The following SELENBP1 variants were observed in gnomAD, a reference collection of about 807,000 sequenced individuals.
The protein encoded by SELENBP1 is methanethiol oxidase.
A neutral mutation model predicts 61.0 loss-of-function variants in SELENBP1; 71 were observed. The observed-to-expected ratio is 1.16, with a 90% CI of 0.96 to 1.42. The LOEUF is 1.42. Ranked by LOEUF, SELENBP1 falls within the 40% of genes most tolerant of loss-of-function variation. SELENBP1 has a pLI of 0.00. For missense variants in SELENBP1, 561 were observed against 605.0 expected, an observed-to-expected ratio of 0.93 and a Z score of 0.76; for synonymous variants, 270 against 238.9, an observed-to-expected ratio of 1.13 and a Z score of -1.20.
chr1:151,365,815 T>C lies in SELENBP1; in HGVS notation c.875A>G (p.Gln292Arg), dbSNP rs770344166. Residue 292 changes from glutamine to arginine, a missense_variant, in exon 8 of 12, where the codon CAG becomes CGG. Transcript: ENST00000368868. ...GCCCTTCACTTTCTTGGGGGGCACC[T>C]GGATCACCTTCTCCACTGACCATGT... ...GGTWSVEKVIQVPPKKVKGWL... is the reference protein window; with the variant it reads ...GGTWSVEKVIRVPPKKVKGWL... 4 of 1,614,190 alleles carry C rather than the reference T, an allele frequency of 2.5e-6. No individual in the cohort carries two copies. The highest frequency in any genetic ancestry group is 1.3e-5 in the African/African-American group (1 of 75,058).
At chr1:151,370,765 C>T (rs1019661470) in intron 1 of SELENBP1, among the ~76,000 whole-genome samples, 6 of 152,228 alleles carry the variant, frequency 3.9e-5, no homozygotes, top group African/African-American at 1.4e-4. Context: ...AGTCCACAGG[C>T]CTGGGCCCTG....
Position 151,365,603 on chromosome 1 carries a change from T to C in SELENBP1, c.1004A>G (p.Tyr335Cys). Residue 335 changes from tyrosine (Y) to cysteine (C), a missense_variant, in exon 9 of 12, where the codon TAT (tyrosine) becomes TGT (cysteine). Coordinates refer to ENST00000368868, the MANE Select transcript of SELENBP1 (RefSeq NM_003944.4). ...SNWLHGDLRQ[Y>C]DISDPQRPRL... ...GGGTCTCTGTGGGTCAGAGATGTCATACTGCCTCAGGTCCCCATGCAGCCA... is the reference window on the plus strand; with the variant it reads ...GGGTCTCTGTGGGTCAGAGATGTCACACTGCCTCAGGTCCCCATGCAGCCA... 1.9e-6 allele frequency: 3 copies of C among 1,614,176 alleles called. No individual in the cohort carries two copies. Among genetic ancestry groups the C allele is most frequent in the Non-Finnish European group, 2.5e-6 (3 of 1,180,024 alleles).
intron 5 of SELENBP1, among the ~76,000 whole-genome samples, chr1:151,367,506 C>T (rs1232827328): frequency 1.3e-5 from 2 of 152,062 alleles, no homozygotes; most frequent in African/African-American, 4.8e-5. Flanking sequence ...ATCTCTCTCT[C>T]AGACCACAGC....
rs770140541 is a variant in SELENBP1 at position 151,365,200 on chromosome 1, G to C, written c.1126C>G (p.Leu376Val). ...GGAGAGGCTCTTACCTTGACCACTA[G>C]GGGCTCTGGCTGGGACTTTAGTTCC... is the stretch of plus-strand genomic sequence containing the variant. ...DEELKSQPEP[L>V]VVKGKRVAGG... The change falls in exon 10 of 12, where the codon CTA (leucine) becomes GTA (valine). Residue 376 changes from leucine (L) to valine (V), a missense_variant. Leu to Val is a conservative substitution (Grantham distance 32, BLOSUM62 1). Transcript: ENST00000368868. The C allele has an allele frequency of 6.2e-7, 1 of 1,613,860 alleles. No individual in the cohort carries two copies. Among genetic ancestry groups the C allele is most frequent in the South Asian group, 1.1e-5 (1 of 91,006 alleles).
In SELENBP1 at chr1:151,369,442, C is replaced by T; in HGVS notation, c.174G>A (p.Gln58=). Residue 58 remains glutamine (Q), a splice_region_variant and synonymous_variant, in exon 3 of 12, where the codon CAG becomes CAA. Transcript: ENST00000368868. ...DVDPKSPQYC[Q]VIHRLPMPNL... ...AGCTGGCGCCCAAGCCCCGCCTAACCTGGCAATACTGGGGAGACTTGGGGT... is the reference window on the plus strand; with the variant it reads ...AGCTGGCGCCCAAGCCCCGCCTAACTTGGCAATACTGGGGAGACTTGGGGT... The T allele has an allele frequency of 6.2e-7, 1 of 1,610,744 alleles. No homozygotes were observed. Among genetic ancestry groups the T allele is most frequent in the Non-Finnish European group, 8.5e-7 (1 of 1,178,542 alleles).
chr1:151,364,364 C>G lies in SELENBP1; in HGVS notation c.*179G>C. Reference sequence around the variant, plus strand: ...TCCAAGAGCTCATGGAAAAGCAGCACAGTGAGCAACAAGCAACAGTGGTCA... The same window carrying G: ...TCCAAGAGCTCATGGAAAAGCAGCAGAGTGAGCAACAAGCAACAGTGGTCA... On this transcript the variant is annotated 3_prime_UTR_variant, in exon 12 of 12. Coordinates refer to ENST00000368868, the MANE Select transcript of SELENBP1 (RefSeq NM_003944.4). The G allele has an allele frequency of 1.4e-6, 1 of 702,998 alleles. No homozygotes were observed. 43.5% of individuals were successfully genotyped at this position (702,998 alleles called of 1,614,324 possible).
intron 5 of SELENBP1, 133 bp downstream of exon 5, chr1:151,368,066 G>A: frequency 1.7e-6 from 2 of 1,160,088 alleles, no homozygotes; most frequent in Non-Finnish European, 1.2e-6. Flanking sequence ...AATACTGGCT[G>A]GGATCCAGCT....
At chr1:151,368,425 T>G in intron 4 of SELENBP1, 106 bp from the exon 5 acceptor site, 1 of 1,457,884 alleles carries the variant, frequency 6.9e-7, no homozygotes, top group South Asian at 1.3e-5. Flanking sequence ...CATCTTTTCC[T>G]TCAAAACATG....
chr1:151,366,473 G>A lies in SELENBP1; in HGVS notation c.665-20C>T, dbSNP rs200339123. ...ACAGTCCTGGGGTGGGAGTGGGGCC[G>A]GAGGATAGGCTCAGCATCAGAGGTT... On this transcript the variant is annotated intron_variant, in intron 6 of 11. Transcript: ENST00000368868. The A allele has an allele frequency of 3.0e-5, 48 of 1,606,622 alleles. No individual in the cohort carries two copies. The Middle Eastern group carries it at 2.3e-3, about 78-fold the overall frequency.
At chr1:151,372,577 G>A in intron 1 of SELENBP1, 61 bp downstream of exon 1, 3 of 1,610,158 alleles carry the variant, frequency 1.9e-6, no homozygotes, top group Non-Finnish European at 2.5e-6. Context: ...TCTGGAGGAG[G>A]GCCTTCCAAA....
In SELENBP1 at chr1:151,369,496, G is replaced by A. The variant is rs1341172926; in HGVS notation, c.120C>T (p.Ala40=). The A allele has an allele frequency of 6.2e-7, 1 of 1,612,980 alleles. No homozygotes were observed. Among genetic ancestry groups the A allele is most frequent in the South Asian group, 1.1e-5 (1 of 90,702 alleles). The change falls in exon 3 of 12, where the codon GCC becomes GCT. Residue 40 remains alanine, a synonymous_variant. Coordinates refer to ENST00000368868, the MANE Select transcript of SELENBP1 (RefSeq NM_003944.4). The part of the protein sequence containing the change: ...PCIYRNTGTE[A]PDYLATVDVD... ...CATCCACAGTGGCCAGATAATCTGG[G>A]GCCTCAGTGCCTGTGTTTCGGTAAA...
intron 3 of SELENBP1, 80 bp downstream of exon 3, chr1:151,369,362 G>C: frequency 6.9e-7 from 1 of 1,454,682 alleles, no homozygotes; most frequent in East Asian, 2.3e-5. Context: ...AAGAAGGATG[G>C]AGCTGGGAAG....
At chr1:151,369,295 A>G (rs1571285380) in intron 3 of SELENBP1, 106 bp from the exon 4 acceptor site, 1 of 1,462,222 alleles carries the variant, frequency 6.8e-7, no homozygotes, top group South Asian at 1.3e-5. Flanking sequence ...CACAGGCTGG[A>G]TTTCAGCACT....
chr1:151,372,129 A>T (rs1652169312), intron 1 of SELENBP1, among the ~76,000 whole-genome samples: 1 of 151,828 alleles, frequency 6.6e-6, no homozygotes. Context: ...AGGCATTGAA[A>T]CAGGTCCCCA....
Position 151,366,857 on chromosome 1 carries a change from A to C in SELENBP1, c.529T>G (p.Trp177Gly), listed in dbSNP as rs769461837. 43 of 1,614,044 alleles carry C rather than the reference A, an allele frequency of 2.7e-5. No individual in the cohort carries two copies. Among genetic ancestry groups the C allele is most frequent in the Admixed American group, 6.7e-5 (4 of 59,994 alleles). The change falls in exon 6 of 12, where the codon TGG becomes GGG. Residue 177 changes from tryptophan to glycine, a missense_variant. Physicochemically the swap from Trp to Gly is radical, Grantham distance 184. Transcript: ENST00000368868. The part of the protein sequence containing the change: ...DGETFEVKGT[W>G]ERPGGAAPLG... Reference sequence around the variant, plus strand: ...GGTGCAGCACCCCCAGGTCTCTCCCATGTCCCCTTCACCTCGAACGTCTCC... The same window carrying C: ...GGTGCAGCACCCCCAGGTCTCTCCCCTGTCCCCTTCACCTCGAACGTCTCC...
At chr1:151,369,920 GC>G (rs1652061787) in intron 1 of SELENBP1, 151 bp from the exon 2 acceptor site, 1 of 1,531,264 alleles carries the variant, frequency 6.5e-7, no homozygotes, top group South Asian at 1.2e-5. Flanking sequence ...TGTCCTCTCC[GC>G]CCCCTCAGAG....
intron 1 of SELENBP1, among the ~76,000 whole-genome samples, chr1:151,371,658 T>G (rs969652786): frequency 6.6e-6 from 1 of 151,478 alleles, no homozygotes; most frequent in Non-Finnish European, 1.5e-5. Flanking sequence ...GAAAGGAGAT[T>G]TTAAAACTCC....
intron 1 of SELENBP1, among the ~76,000 whole-genome samples, chr1:151,371,516 G>T (rs975257185): frequency 2.8e-4 from 42 of 152,086 alleles, no homozygotes; most frequent in African/African-American, 9.7e-4. Flanking sequence ...AGGGCTGGAG[G>T]TGGGGCAGGG....
intron 5 of SELENBP1, chr1:151,367,109 G>T: frequency 7.5e-7 from 1 of 1,333,354 alleles, no homozygotes. Context: ...TTGAGAGGCT[G>T]AGGCGGGCGG....
Sources: gnomAD v4.1 joint callset for allele counts (sites outside exome capture counted in the v4.1 genomes callset) on GRCh38, gnomAD v4.1.1 for gene constraint, MANE v1.5 for transcripts, NCBI Gene and HGNC (gene_info 2026-07-23, HGNC 2026-07-21) for gene names.